The following CCDC148 variants were observed in gnomAD, a reference collection of about 807,000 sequenced individuals.
CCDC148 encodes the protein coiled-coil domain containing 148, also known as coiled-coil domain-containing protein 148.
Under a neutral mutation model 85.7 loss-of-function variants are expected in CCDC148, and 89 were observed. That is an observed-to-expected ratio of 1.04 (90% confidence interval 0.87 to 1.24). The LOEUF (loss-of-function observed/expected upper bound fraction) is 1.24, where lower values mean the gene tolerates loss of function less well. CCDC148 is among the 50% of genes most tolerant of loss of function. The probability of loss-of-function intolerance (pLI) is 0.00; values close to 1 mark genes in which losing one functional copy is unlikely to be tolerated. For missense variants in CCDC148, 692 were observed against 671.7 expected (o/e 1.03, Z -0.33); for synonymous variants, 230 against 213.9 (o/e 1.08, Z -0.66).
intron 13 of CCDC148, among the ~76,000 whole-genome samples, chr2:158,175,237 A>T (rs1684519501): frequency 6.6e-6 from 1 of 152,002 alleles, no homozygotes; most frequent in Non-Finnish European, 1.5e-5. Flanking sequence ...AATCCTTTCA[A>T]GCCTCAGCTA....
At chr2:158,398,397 T>G (rs1224845954) in intron 1 of CCDC148, among the ~76,000 whole-genome samples, 1 of 152,056 alleles carries the variant, frequency 6.6e-6, no homozygotes, top group Non-Finnish European at 1.5e-5. Context: ...CCTCAGCAAA[T>G]GTAAAATAAC....
chr2:158,441,264 TC>T (rs1235283539), intron 1 of CCDC148, among the ~76,000 whole-genome samples: 1 of 152,126 alleles, frequency 6.6e-6, no homozygotes, highest in African/African-American at 2.4e-5. Flanking sequence ...TTCTTCTGAG[TC>T]TTTGGAAAAA....
intron 9 of CCDC148, among the ~76,000 whole-genome samples, chr2:158,281,461 C>T (rs1690295945): frequency 6.6e-6 from 1 of 152,062 alleles, no homozygotes; most frequent in Non-Finnish European, 1.5e-5. Context: ...ACCGATCCCA[C>T]AGAAATACAA....
intron 9 of CCDC148, among the ~76,000 whole-genome samples, chr2:158,261,638 T>A (rs1315241268): frequency 1.3e-5 from 2 of 151,670 alleles, no homozygotes; most frequent in East Asian, 3.9e-4. Flanking sequence ...AGGTCTAATA[T>A]CCAGCATCTA....
chr2:158,366,732 T>C (rs1162161519), intron 1 of CCDC148, among the ~76,000 whole-genome samples: 1 of 152,344 alleles, frequency 6.6e-6, no homozygotes, highest in South Asian at 2.1e-4. Context: ...TGGACCTGCA[T>C]TGAAGTTGTT....
At chr2:158,373,623 T>A (rs543149922) in intron 1 of CCDC148, among the ~76,000 whole-genome samples, 1 of 152,152 alleles carries the variant, frequency 6.6e-6, no homozygotes, top group South Asian at 2.1e-4. Flanking sequence ...GCTCCTACTG[T>A]TTCTCTAATT....
chr2:158,276,326 T>C (rs1432447806), intron 9 of CCDC148, among the ~76,000 whole-genome samples: 1 of 152,046 alleles, frequency 6.6e-6, no homozygotes, highest in Non-Finnish European at 1.5e-5. Flanking sequence ...CCCAGCTATT[T>C]GGGAGGCTGA....
intron 1 of CCDC148, among the ~76,000 whole-genome samples, chr2:158,451,793 T>TA (rs1210098740): frequency 1.3e-5 from 2 of 151,932 alleles, no homozygotes; most frequent in South Asian, 2.1e-4. Context: ...ATTTACTTAT[T>TA]AAAAAAAACT....
At chr2:158,196,502 A>C (rs1288136594) in intron 11 of CCDC148, among the ~76,000 whole-genome samples, 2 of 152,168 alleles carry the variant, frequency 1.3e-5, no homozygotes, top group African/African-American at 4.8e-5. Flanking sequence ...CAGCCCATTT[A>C]GTATTAAGAT....
chr2:158,389,966 T>G (rs1685239293), intron 1 of CCDC148, among the ~76,000 whole-genome samples: 1 of 152,190 alleles, frequency 6.6e-6, no homozygotes, highest in Non-Finnish European at 1.5e-5. Context: ...TGCTTCAATA[T>G]GTATGTACCT....
chr2:158,261,550 A>C (rs1689224522), intron 9 of CCDC148, among the ~76,000 whole-genome samples: 1 of 152,164 alleles, frequency 6.6e-6, no homozygotes, highest in African/African-American at 2.4e-5. Context: ...GCTTCTAGAC[A>C]GCAAAAGAAA....
chr2:158,187,334 T>C (rs1685201901), intron 11 of CCDC148, among the ~76,000 whole-genome samples: 1 of 152,008 alleles, frequency 6.6e-6, no homozygotes, highest in South Asian at 2.1e-4. Flanking sequence ...CCTTCCATGG[T>C]TCTCTTTCCT....
intron 7 of CCDC148, 39 bp from the exon 8 acceptor site, chr2:158,313,933 A>T (rs1236024798): frequency 6.3e-7 from 1 of 1,586,198 alleles, no homozygotes; most frequent in Non-Finnish European, 8.6e-7. Context: ...TTATTGAGCA[A>T]TCATGAAATT....
intron 11 of CCDC148, among the ~76,000 whole-genome samples, chr2:158,217,846 A>G (rs1331253553): frequency 6.6e-6 from 1 of 152,228 alleles, no homozygotes; most frequent in African/African-American, 2.4e-5. Flanking sequence ...TTATTCTGAT[A>G]CGGAAAAAAA....
At chr2:158,296,940 T>C (rs970748001) in intron 9 of CCDC148, among the ~76,000 whole-genome samples, 3 of 152,212 alleles carry the variant, frequency 2.0e-5, no homozygotes, top group Non-Finnish European at 2.9e-5. Flanking sequence ...CTGATGCCTA[T>C]GGTTCCTCAG....
At chr2:158,348,732 G>A (rs1306498387) in intron 2 of CCDC148, among the ~76,000 whole-genome samples, 1 of 152,010 alleles carries the variant, frequency 6.6e-6, no homozygotes, top group African/African-American at 2.4e-5. Flanking sequence ...AGGGCCAAAA[G>A]TTGATCATTG....
intron 9 of CCDC148, among the ~76,000 whole-genome samples, chr2:158,289,715 G>C (rs527892340): frequency 1.3e-5 from 2 of 152,286 alleles, no homozygotes; most frequent in East Asian, 3.9e-4. Context: ...ATATTGTTAG[G>C]TATGGACCCA....
chr2:158,226,799 T>C (rs1326039080), intron 10 of CCDC148, among the ~76,000 whole-genome samples: 2 of 152,022 alleles, frequency 1.3e-5, no homozygotes, highest in Non-Finnish European at 1.5e-5. Context: ...ATTGATGGGA[T>C]GTATCTCAAA....
At position 158,358,430 on chromosome 2, in the gene CCDC148, T is replaced by G. The variant is rs907901498; in HGVS notation, c.147+19A>C. ...GATTTTCTAAAACTAGAAAAACACA[T>G]ACACACACAACTTCTAACCTTTAGC... On this transcript the variant is annotated intron_variant, in intron 2 of 13. Coordinates refer to ENST00000283233, the MANE Select transcript of CCDC148 (RefSeq NM_138803.4). 5 of 1,596,060 alleles carry G rather than the reference T, an allele frequency of 3.1e-6. No individual in the cohort carries two copies. Among genetic ancestry groups the G allele is most frequent in the Middle Eastern group, 1.7e-4 (1 of 6,022 alleles).
Sources: gnomAD v4.1 joint callset for allele counts (sites outside exome capture counted in the v4.1 genomes callset) on GRCh38, gnomAD v4.1.1 for gene constraint, MANE v1.5 for transcripts, NCBI Gene and HGNC (gene_info 2026-07-23, HGNC 2026-07-21) for gene names.